USP6: variants seen among roughly 807,000 people sequenced by gnomAD.
The protein encoded by USP6 is ubiquitin carboxyl-terminal hydrolase 6.
In USP6, 128 loss-of-function variants were observed where a neutral mutation model predicts 175.7. The ratio of observed to expected loss-of-function variants is 0.73; its 90% CI spans 0.63 to 0.84. The LOEUF is 0.84. Among genes scored for constraint, USP6 ranks in the 40% least tolerant of loss-of-function variants. The pLI, the probability that USP6 is intolerant of heterozygous loss-of-function variation, is 0.00. For synonymous variants in USP6, 562 were observed against 630.6 expected (o/e 0.89, Z 1.63); for missense variants, 1,498 against 1,760.3 (o/e 0.85, Z 2.67).
In USP6 at chr17:5,168,926, C is replaced by T. The variant is rs574241723; in HGVS notation, c.3388C>T (p.Leu1130Phe). 59 of 1,613,978 alleles carry T rather than the reference C, an allele frequency of 3.7e-5. No homozygotes were observed. The highest frequency in any genetic ancestry group is 4.4e-5 in the South Asian group (4 of 91,076). The change falls in exon 35 of 38, where the codon CTC (leucine) becomes TTC (phenylalanine). Residue 1130 changes from leucine (L) to phenylalanine (F), a missense_variant. This residue lies in a region of USP6 where 1,217 missense variants were observed against 1,500.8 expected (regional missense o/e 0.81). Transcript: ENST00000574788. Reference protein sequence around the residue: ...HKPLTPQGDELSKPRILAREV... With the variant: ...HKPLTPQGDEFSKPRILAREV... Reference sequence around the variant, plus strand: ...ACCACTCACACCCCAGGGGGATGAGCTCTCCAAGCCCAGGATTCTGGCAAG... The same window carrying T: ...ACCACTCACACCCCAGGGGGATGAGTTCTCCAAGCCCAGGATTCTGGCAAG...
At chr17:5,154,386 C>T (rs1412819437) in intron 30 of USP6, among the ~76,000 whole-genome samples, 1 of 152,116 alleles carries the variant, frequency 6.6e-6, no homozygotes, top group Non-Finnish European at 1.5e-5. Flanking sequence ...CCTTGAACTC[C>T]CACCAACCAT....
At chr17:5,134,334 C>T in intron 15 of USP6, 1 of 320,056 alleles carries the variant, frequency 3.1e-6, no homozygotes, top group Non-Finnish European at 5.9e-6. Flanking sequence ...CATGAGCCTC[C>T]CCAGGCAACA....
chr17:5,142,967 G>A (rs1407837235), intron 25 of USP6, among the ~76,000 whole-genome samples: 2 of 152,204 alleles, frequency 1.3e-5, no homozygotes, highest in Non-Finnish European at 2.9e-5. Context: ...GAGGTGGGTG[G>A]ATCACTTGAA....
At position 5,141,498 on chromosome 17, in the gene USP6, G is replaced by C. The variant is rs1398327370; in HGVS notation, c.1572G>C (p.Lys524Asn). Residue 524 changes from lysine to asparagine, a missense_variant and splice_region_variant, in exon 23 of 38, where the codon AAG (lysine) becomes AAC (asparagine). By Grantham distance (94) the Lys-to-Asn change is moderately conservative. Transcript: ENST00000574788. Reference sequence around the variant, plus strand: ...ATAGTAGTAAAATAGATAGACAAAAGGGTAAGTCTCCAGTATTATTTTTTA... The same window carrying C: ...ATAGTAGTAAAATAGATAGACAAAACGGTAAGTCTCCAGTATTATTTTTTA... The part of the protein sequence containing the change: ...TANSSKIDRQ[K>N]VPTEKGATGL... 1 of 1,596,068 alleles carries C rather than the reference G, an allele frequency of 6.3e-7. No homozygotes were observed. Among genetic ancestry groups the C allele is most frequent in the South Asian group, 1.2e-5 (1 of 86,938 alleles).
chr17:5,122,400 A>C (rs2072706345), intron 4 of USP6, among the ~76,000 whole-genome samples: 1 of 152,178 alleles, frequency 6.6e-6, no homozygotes, highest in South Asian at 2.1e-4. Context: ...AAGGGTGATC[A>C]GGCCTTCAGC....
Position 5,168,994 on chromosome 17 carries a change from G to C in USP6, c.3456G>C (p.Glu1152Asp), listed in dbSNP as rs767377668. The C allele has an allele frequency of 8.1e-6, 13 of 1,613,872 alleles. No homozygotes were observed. The highest frequency in any genetic ancestry group is 1.1e-5 in the Non-Finnish European group (13 of 1,179,866). Residue 1152 changes from glutamate to aspartate, a missense_variant, in exon 35 of 38, where the codon GAG (glutamate) becomes GAC (aspartate). Glu to Asp is a conservative substitution (Grantham distance 45). This residue lies in a region of USP6 where 1,217 missense variants were observed against 1,500.8 expected (regional missense o/e 0.81). Coordinates refer to ENST00000574788, the MANE Select transcript of USP6 (RefSeq NM_001304284.2). ...ATGCGCAGAGTTCGGCTGGAAAAGA[G>C]GACATGCTCCTAAGCAAAAGCCCAT... ...KVDAQSSAGK[E>D]DMLLSKSPSS...
rs1868490117 is a variant in USP6, at chr17:5,152,111, G to A, written c.2644-3311G>A. 2.0e-5 allele frequency among the ~76,000 whole-genome samples: 3 copies of A among 151,988 alleles called. No individual in the cohort carries two copies. In the South Asian group the frequency reaches 6.2e-4, roughly 32 times the overall value. On this transcript the variant is annotated intron_variant, in intron 30 of 37. Coordinates refer to ENST00000574788, the MANE Select transcript of USP6 (RefSeq NM_001304284.2). ...ACAAAAATTAACTGGGCATGGTGGT[G>A]GGTGCATGTAGTCCCAGCTACTTGG...
chr17:5,170,710 G>A lies in USP6; in HGVS notation c.3749G>A (p.Gly1250Glu). Residue 1250 changes from glycine (G) to glutamate (E), a missense_variant, in exon 36 of 38, where the codon GGG (glycine) becomes GAG (glutamate). Coordinates refer to ENST00000574788, the MANE Select transcript of USP6 (RefSeq NM_001304284.2). ...ADALSRGHMRGGSQPELVTPQ... is the reference protein window; with the variant it reads ...ADALSRGHMREGSQPELVTPQ... ...GCCTTGAGCCGAGGGCATATGCGGGGGGGCAGCCAACCAGAGCTGGTCACT... is the reference window on the plus strand; with the variant it reads ...GCCTTGAGCCGAGGGCATATGCGGGAGGGCAGCCAACCAGAGCTGGTCACT... 1 of 1,613,960 alleles carries A rather than the reference G, an allele frequency of 6.2e-7. No homozygotes were observed. Among genetic ancestry groups the A allele is most frequent in the Non-Finnish European group, 8.5e-7 (1 of 1,179,868 alleles).
In USP6 at chr17:5,173,332, C is replaced by G. The variant is rs754753467; in HGVS notation, c.*354C>G. 3 of 238,152 alleles carry G rather than the reference C, an allele frequency of 1.3e-5. No homozygotes were observed. The highest frequency in any genetic ancestry group is 1.6e-5 in the Non-Finnish European group (2 of 121,692). 14.8% of individuals were successfully genotyped at this position (238,152 alleles called of 1,614,324 possible). A position where few individuals can be genotyped will look rare whatever the true frequency, so the allele number is the denominator to read the frequency against. ...AATCATAACAAATATTAAAGATTTCCTTGGAGTCAGAGGAAAAAACAAACA... is the reference window on the plus strand; with the variant it reads ...AATCATAACAAATATTAAAGATTTCGTTGGAGTCAGAGGAAAAAACAAACA... On this transcript the variant is annotated 3_prime_UTR_variant, in exon 38 of 38. Coordinates refer to ENST00000574788, the MANE Select transcript of USP6 (RefSeq NM_001304284.2).
rs1448491099 is a variant in USP6 at position 5,132,886 on chromosome 17, A to T, written c.196-24A>T. ...TCTGGGAAGCCTGGCAGCTCCACTAACTCCAACATGCCTCATTTGACAGAA... is the reference window on the plus strand; with the variant it reads ...TCTGGGAAGCCTGGCAGCTCCACTATCTCCAACATGCCTCATTTGACAGAA... On this transcript the variant is annotated intron_variant, in intron 12 of 37. Coordinates refer to ENST00000574788, the MANE Select transcript of USP6 (RefSeq NM_001304284.2). The surrounding 1 kb of genome is among the most constrained non-coding windows in gnomAD (Gnocchi z 4.7). The T allele has an allele frequency of 1.9e-6, 3 of 1,613,826 alleles. No homozygotes were observed. The highest frequency in any genetic ancestry group is 2.5e-6 in the Non-Finnish European group (3 of 1,179,872).
At chr17:5,119,444 C>T (rs1056417314) in intron 2 of USP6, among the ~76,000 whole-genome samples, 3 of 152,306 alleles carry the variant, frequency 2.0e-5, no homozygotes, top group South Asian at 2.1e-4. Flanking sequence ...CCTTCTTCAG[C>T]CCCCACTAAA....
chr17:5,123,863 G>A (rs1443131245), intron 4 of USP6, among the ~76,000 whole-genome samples: 2 of 151,536 alleles, frequency 1.3e-5, no homozygotes, highest in South Asian at 2.1e-4. Context: ...TGTTAACACC[G>A]TACACCCCCT....
At chr17:5,122,416 G>A (rs1432997244) in intron 4 of USP6, among the ~76,000 whole-genome samples, 2 of 152,202 alleles carry the variant, frequency 1.3e-5, no homozygotes, top group African/African-American at 4.8e-5. Flanking sequence ...TCAGCTGGCA[G>A]TATCCTGGAG....
chr17:5,138,165 C>T lies in USP6; in HGVS notation c.970C>T (p.Arg324Trp), dbSNP rs143096859. The T allele has an allele frequency of 3.4e-4, 545 of 1,614,082 alleles. No homozygotes were observed. The highest frequency in any genetic ancestry group is 2.8e-3 in the Middle Eastern group (17 of 6,062). ...TSRCGLWARLRNQFFDTWAMN... is the reference protein window; with the variant it reads ...TSRCGLWARLWNQFFDTWAMN... ...CAGGTGTGGCCTGTGGGCACGTCTG[C>T]GGAACCAATTCTTCGATACCTGGGC... Residue 324 changes from arginine to tryptophan, a missense_variant, in exon 21 of 38, where the codon CGG (arginine) becomes TGG (tryptophan). Physicochemically the swap from Arg to Trp is moderately radical, Grantham distance 101 (BLOSUM62 -3). Transcript: ENST00000574788.
chr17:5,136,633 T>G lies in USP6; in HGVS notation c.665-7T>G, dbSNP rs187467491. ...TCTGATTTCATGATGGGCTGGGGGC[T>G]TCTCAGGATTCCACAGCCCAAATGG... On this transcript the variant is annotated splice_region_variant and splice_polypyrimidine_tract_variant and intron_variant, in intron 17 of 37. Coordinates refer to ENST00000574788, the MANE Select transcript of USP6 (RefSeq NM_001304284.2). 6.2e-7 allele frequency: 1 copy of G among 1,611,456 alleles called. No individual in the cohort carries two copies. The highest frequency in any genetic ancestry group is 1.3e-5 in the African/African-American group (1 of 74,856).
Position 5,139,262 on chromosome 17 carries a change from C to A in USP6, c.1086C>A (p.Arg362=). ...CGTCTGTTTTCCTTTCAGCCAAACG[C>A]GAGCAAGGGTCCTTGGCACCCAGGC... ...KQGDLPPPAK[R]EQGSLAPRPV... Residue 362 remains arginine (R), a synonymous_variant, in exon 22 of 38, where the codon CGC becomes CGA. Coordinates refer to ENST00000574788, the MANE Select transcript of USP6 (RefSeq NM_001304284.2). The A allele has an allele frequency of 6.2e-7, 1 of 1,601,956 alleles. No homozygotes were observed. The highest frequency in any genetic ancestry group is 8.5e-7 in the Non-Finnish European group (1 of 1,179,976).
rs745464717 is a variant in USP6 at position 5,162,881 on chromosome 17, T to C, written c.2916-3T>C. On this transcript the variant is annotated splice_polypyrimidine_tract_variant and splice_region_variant and intron_variant, in intron 32 of 37. Coordinates refer to ENST00000574788, the MANE Select transcript of USP6 (RefSeq NM_001304284.2). ...CCTCTGTGGATCTTTCCCCCCTTTT[T>C]AGATTTTGCAGAGGCTGTAAAATTG... 1.9e-5 allele frequency: 31 copies of C among 1,592,736 alleles called. No homozygotes were observed. The highest frequency in any genetic ancestry group is 2.5e-5 in the Non-Finnish European group (29 of 1,175,430).
intron 30 of USP6, among the ~76,000 whole-genome samples, chr17:5,150,915 C>T (rs1180442154): frequency 1.3e-5 from 2 of 152,094 alleles, no homozygotes; most frequent in East Asian, 3.9e-4. Context: ...CCTCTGGTGG[C>T]TCCAGGCATT....
Position 5,144,139 on chromosome 17 carries a change from A to G in USP6, c.1819-551A>G, listed in dbSNP as rs181949882. Among the ~76,000 whole-genome samples the G allele has an allele frequency of 2.0e-5, 3 of 152,286 alleles. No homozygotes were observed. The East Asian group carries it at 5.8e-4, about 29-fold the overall frequency. On this transcript the variant is annotated intron_variant, in intron 25 of 37. Transcript: ENST00000574788. ...CCAGGCACTATTCTAATTAATTTAT[A>G]TCCTCTAAATAATTCTAATGCGGTT...
Sources: gnomAD v4.1 joint callset for allele counts (sites outside exome capture counted in the v4.1 genomes callset) on GRCh38, gnomAD v4.1.1 for gene constraint, gnomAD v4.1.1 regional missense constraint, Gnocchi (gnomAD v3.1) non-coding constraint, MANE v1.5 for transcripts, NCBI Gene and HGNC (gene_info 2026-07-23, HGNC 2026-07-21) for gene names.